PLEKHG1: variants seen among roughly 807,000 people sequenced by gnomAD.
PLEKHG1 encodes pleckstrin homology domain-containing family G member 1.
In PLEKHG1, 44 loss-of-function variants were observed where a neutral mutation model predicts 100.8. The observed-to-expected ratio is 0.44, with a 90% confidence interval of 0.34 to 0.56. The LOEUF (loss-of-function observed/expected upper bound fraction) is 0.56. Among genes scored for constraint, PLEKHG1 ranks in the 20% least tolerant of loss-of-function variants. The probability of loss-of-function intolerance (pLI) is 0.01; values close to 1 mark genes in which losing one functional copy is unlikely to be tolerated. For synonymous variants in PLEKHG1, 640 were observed against 662.5 expected (o/e 0.97, Z 0.52); for missense variants, 1,545 against 1,720.9 (o/e 0.90, Z 1.81).
intron 2 of PLEKHG1, among the ~76,000 whole-genome samples, chr6:150,750,087 T>C (rs13201848): frequency 6.9e-6 from 1 of 145,708 alleles, no homozygotes; most frequent in East Asian, 2.0e-4. Context: ...AAAAAGAAAA[T>C]ATCTACTAGA....
intron 2 of PLEKHG1, among the ~76,000 whole-genome samples, chr6:150,759,339 G>T (rs975189677): frequency 1.3e-5 from 2 of 152,114 alleles, no homozygotes; most frequent in African/African-American, 4.8e-5. Flanking sequence ...TTGGCAGGTG[G>T]GAGGTGCCTA....
intron 1 of PLEKHG1, among the ~76,000 whole-genome samples, chr6:150,622,275 G>T (rs1185809922): frequency 6.6e-6 from 1 of 152,158 alleles, no homozygotes; most frequent in Non-Finnish European, 1.5e-5. Flanking sequence ...CAAAGGTAAA[G>T]AATAATAAAT....
chr6:150,654,642 G>C (rs916753996), intron 3 of PLEKHG1, among the ~76,000 whole-genome samples: 2 of 152,212 alleles, frequency 1.3e-5, no homozygotes, highest in African/African-American at 4.8e-5. Context: ...TATGGCGAAG[G>C]CATGCTCAAG....
rs560633648 is a variant in PLEKHG1, at chr6:150,762,986, T to G, written c.412-5652T>G. 2.5e-4 allele frequency among the ~76,000 whole-genome samples: 38 copies of G among 149,906 alleles called. 1 individual carries two copies. Among genetic ancestry groups the G allele is most frequent in the African/African-American group, 8.3e-4 (34 of 41,010 alleles). On this transcript the variant is annotated intron_variant, in intron 2 of 15. Transcript: ENST00000358517. Reference sequence around the variant, plus strand: ...CTGAACTTCTTTTACATGTTCTCCCTCATTCTCCTTTGAGCACCAACAGGA... The same window carrying G: ...CTGAACTTCTTTTACATGTTCTCCCGCATTCTCCTTTGAGCACCAACAGGA...
At chr6:150,701,424 TA>T (rs1780771962) in intron 3 of PLEKHG1, among the ~76,000 whole-genome samples, 1 of 29,750 alleles carries the variant, frequency 3.4e-5, no homozygotes, top group African/African-American at 3.1e-4. Context: ...TCTTTATATA[TA>T]TATATATATA....
intron 3 of PLEKHG1, among the ~76,000 whole-genome samples, chr6:150,704,226 T>G (rs755663419): frequency 6.6e-5 from 10 of 152,188 alleles, no homozygotes; most frequent in Non-Finnish European, 1.2e-4. Flanking sequence ...GCACTCTTCA[T>G]TAACCTTGGG....
intron 1 of PLEKHG1, among the ~76,000 whole-genome samples, chr6:150,608,120 G>A (rs1460699458): frequency 1.3e-5 from 2 of 152,174 alleles, no homozygotes; most frequent in Non-Finnish European, 2.9e-5. Flanking sequence ...AACCCTCATG[G>A]TCCACAGGTG....
intron 6 of PLEKHG1, among the ~76,000 whole-genome samples, chr6:150,801,777 G>A (rs940359624): frequency 1.3e-5 from 2 of 151,448 alleles, no homozygotes; most frequent in Non-Finnish European, 2.9e-5. Flanking sequence ...AAACTGATGC[G>A]AATGGAAAAA....
chr6:150,742,405 A>G (rs1004536299), intron 2 of PLEKHG1, among the ~76,000 whole-genome samples: 2 of 152,038 alleles, frequency 1.3e-5, no homozygotes, highest in African/African-American at 4.8e-5. Context: ...TCTCTACTAA[A>G]AGTACAAAAA....
At chr6:150,656,417 G>A (rs1778973256) in intron 3 of PLEKHG1, among the ~76,000 whole-genome samples, 1 of 152,146 alleles carries the variant, frequency 6.6e-6, no homozygotes, top group Non-Finnish European at 1.5e-5. Context: ...TATGGTAATA[G>A]GTTTCTGTTG....
chr6:150,681,482 G>A (rs1046629313), intron 3 of PLEKHG1, among the ~76,000 whole-genome samples: 4 of 147,562 alleles, frequency 2.7e-5, no homozygotes, highest in East Asian at 2.0e-4. Flanking sequence ...ACTGCCTGGC[G>A]ACAGAGCGTG....
chr6:150,795,715 T>C, intron 4 of PLEKHG1, 141 bp from the exon 6 acceptor site: 1 of 355,696 alleles, frequency 2.8e-6, no homozygotes, highest in Non-Finnish European at 4.8e-6. Context: ...AGAGCAAAAC[T>C]CCGCCTAAAA....
chr6:150,746,084 A>G (rs1030906340), intron 2 of PLEKHG1, among the ~76,000 whole-genome samples: 2 of 152,182 alleles, frequency 1.3e-5, no homozygotes, highest in Non-Finnish European at 2.9e-5. Flanking sequence ...GGGAGTTGAC[A>G]GACTGATGTG....
chr6:150,719,797 C>T (rs1389378262), upstream of PLEKHG1, among the ~76,000 whole-genome samples: 2 of 152,208 alleles, frequency 1.3e-5, no homozygotes, highest in Non-Finnish European at 2.9e-5. Flanking sequence ...GCCTCTCAAA[C>T]TGCCTTCTCA....
chr6:150,772,439 G>C (rs901909450), intron 3 of PLEKHG1, among the ~76,000 whole-genome samples: 4 of 152,186 alleles, frequency 2.6e-5, no homozygotes, highest in African/African-American at 7.2e-5. Flanking sequence ...GGGCAACGTG[G>C]CGAAATCCCA....
chr6:150,744,380 C>G (rs1342306375), intron 2 of PLEKHG1, among the ~76,000 whole-genome samples: 2 of 152,048 alleles, frequency 1.3e-5, no homozygotes, highest in Non-Finnish European at 2.9e-5. Context: ...GGCCCCTGCC[C>G]TTCTTTTAAC....
intron 1 of PLEKHG1, among the ~76,000 whole-genome samples, chr6:150,623,648 T>G (rs1777399940): frequency 6.6e-6 from 1 of 152,238 alleles, no homozygotes; most frequent in South Asian, 2.1e-4. Flanking sequence ...CCCCCACGTG[T>G]GCACTGTACA....
intron 3 of PLEKHG1, among the ~76,000 whole-genome samples, chr6:150,681,433 A>G (rs1274054469): frequency 6.6e-6 from 1 of 151,182 alleles, no homozygotes; most frequent in Non-Finnish European, 1.5e-5. Context: ...AATCACTTGA[A>G]CCCAGGAGGC....
intron 11 of PLEKHG1, among the ~76,000 whole-genome samples, chr6:150,818,663 G>T (rs1776125356): frequency 6.6e-6 from 1 of 152,176 alleles, no homozygotes; most frequent in Non-Finnish European, 1.5e-5. Context: ...CCCCACATAT[G>T]TGCATATATT....
Sources: gnomAD v4.1 joint callset for allele counts (sites outside exome capture counted in the v4.1 genomes callset) on GRCh38, gnomAD v4.1.1 for gene constraint, MANE v1.5 for transcripts, NCBI Gene and HGNC (gene_info 2026-07-23, HGNC 2026-07-21) for gene names.